Variants in C5orf24 observed in about 807,000 individuals in gnomAD.
C5orf24 encodes the protein chromosome 5 open reading frame 24, also known as UPF0461 protein C5orf24.
A neutral mutation model predicts 9.8 loss-of-function variants in C5orf24; 4 were observed. The observed-to-expected ratio is 0.41, with a 90% CI of 0.20 to 0.93. The LOEUF is 0.93. C5orf24 is among the 40% of genes least tolerant of loss of function. The probability of loss-of-function intolerance (pLI) is 0.33; values close to 1 mark genes in which losing one functional copy is unlikely to be tolerated. For synonymous variants in C5orf24, 73 were observed against 81.3 expected (o/e 0.90, Z 0.55); for missense variants, 170 against 236.9 (o/e 0.72, Z 1.85).
the C5orf24 span, among the ~76,000 whole-genome samples, chr5:134,835,605 C>T: frequency 6.6e-6 from 1 of 152,182 alleles, no homozygotes; most frequent in South Asian, 2.1e-4. Flanking sequence ...CCAGATCGTG[C>T]CAGTGCACTC....
At position 134,859,255 on chromosome 5, in the gene C5orf24, C is replaced by T. The variant is rs1187143675; in HGVS notation, c.*3788C>T. On this transcript the variant is annotated 3_prime_UTR_variant, in exon 2 of 2. Coordinates refer to ENST00000394976, the MANE Select transcript of C5orf24 (RefSeq NM_001135586.1). The stretch of plus-strand genomic sequence containing the variant: ...ATATAAAGAATTCAAAACAGTTTTT[C>T]AAAAGATTTTTTTCCTTGGACATAA... 1.2e-5 allele frequency: 2 copies of T among 166,928 alleles called. No homozygotes were observed. Among genetic ancestry groups the T allele is most frequent in the Non-Finnish European group, 2.9e-5 (2 of 68,066 alleles). The allele number at this position is 166,928 out of a possible 1,614,324, so 10.3% of individuals were successfully genotyped here. A position where few individuals can be genotyped will look rare whatever the true frequency, so the allele number is the denominator to read the frequency against.
upstream of C5orf24, among the ~76,000 whole-genome samples, chr5:134,845,011 C>G (rs1291754758): frequency 6.6e-6 from 1 of 152,228 alleles, no homozygotes; most frequent in Non-Finnish European, 1.5e-5. Context: ...GCTGGGATTA[C>G]AGGCGTGAGC....
At chr5:134,835,576 G>A in the C5orf24 span, among the ~76,000 whole-genome samples, 1 of 152,352 alleles carries the variant, frequency 6.6e-6, no homozygotes, top group African/African-American at 2.4e-5. Flanking sequence ...GAATCCAGGA[G>A]GTGGAGGTTA....
intron 1 of C5orf24, among the ~76,000 whole-genome samples, chr5:134,851,928 A>G (rs1756171929): frequency 6.6e-6 from 1 of 152,152 alleles, no homozygotes; most frequent in South Asian, 2.1e-4. Flanking sequence ...AGCTAGTGAA[A>G]TGATAATTAA....
chr5:134,854,775 T>G (rs1327175634), intron 1 of C5orf24, 123 bp from the exon 2 acceptor site: 1 of 1,025,900 alleles, frequency 9.7e-7, no homozygotes, highest in Non-Finnish European at 1.4e-6. Context: ...GTCCTGCCTG[T>G]TAGCCTAATT....
In C5orf24 at chr5:134,857,266, T is replaced by G; in HGVS notation, c.*1799T>G. On this transcript the variant is annotated 3_prime_UTR_variant, in exon 2 of 2. Coordinates refer to ENST00000394976, the MANE Select transcript of C5orf24 (RefSeq NM_001135586.1). The stretch of plus-strand genomic sequence containing the variant: ...CAAAAACTTTTAAAATAATTAAAAT[T>G]TTAAAAGAGCACATGTTGTGTTTTT... The G allele has an allele frequency of 7.2e-7, 1 of 1,386,662 alleles. No homozygotes were observed. Among genetic ancestry groups the G allele is most frequent in the African/African-American group, 1.5e-5 (1 of 68,310 alleles). The allele number at this position is 1,386,662 out of a possible 1,614,324, so 85.9% of individuals were successfully genotyped here.
chr5:134,845,480 C>T (rs556566916), upstream of C5orf24, among the ~76,000 whole-genome samples: 1 of 152,280 alleles, frequency 6.6e-6, no homozygotes, highest in South Asian at 2.1e-4. Context: ...ACAAGAAAAA[C>T]ATAATAGCGG....
chr5:134,855,612 A>G lies in C5orf24; in HGVS notation c.*145A>G. On this transcript the variant is annotated 3_prime_UTR_variant, in exon 2 of 2. Coordinates refer to ENST00000394976, the MANE Select transcript of C5orf24 (RefSeq NM_001135586.1). ...TTGGTTTTTTTCCTGCTTTTGCTCA[A>G]AAACTGCCATATGCTGACAGATGCA... 2.0e-6 allele frequency: 3 copies of G among 1,483,154 alleles called. No individual in the cohort carries two copies. The South Asian group carries it at 4.3e-5, about 21-fold the overall frequency. 91.9% of individuals were successfully genotyped at this position (1,483,154 alleles called of 1,614,324 possible).
the C5orf24 span, among the ~76,000 whole-genome samples, chr5:134,839,178 G>T: frequency 6.7e-6 from 1 of 149,776 alleles, no homozygotes; most frequent in Non-Finnish European, 1.5e-5. Flanking sequence ...TTCCAGCCTG[G>T]CAACAGAGCA....
At chr5:134,853,525 C>CTTTT (rs1756222284) in intron 1 of C5orf24, among the ~76,000 whole-genome samples, 2 of 127,530 alleles carry the variant, frequency 1.6e-5, no homozygotes, top group Non-Finnish European at 1.6e-5. Flanking sequence ...TCTTCTTCTT[C>CTTTT]TTCTTTTTTT....
chr5:134,833,963 CT>C, the C5orf24 span, among the ~76,000 whole-genome samples: 1 of 148,280 alleles, frequency 6.7e-6, no homozygotes, highest in East Asian at 2.0e-4. Flanking sequence ...GAAATTCTAA[CT>C]TTGCATTAAC....
intron 1 of C5orf24, among the ~76,000 whole-genome samples, chr5:134,849,252 CTCAAAAAAAAAAAGGGAGTGTT>C (rs897053342): frequency 6.7e-6 from 1 of 150,222 alleles, no homozygotes; most frequent in Admixed American, 6.6e-5. Flanking sequence ...TAGACTTCGT[CTCAAAAAAAAAAAGGGAGTGTT>C]TCAACAATAG....
intron 1 of C5orf24, among the ~76,000 whole-genome samples, chr5:134,853,528 C>CTTCTTCTTTTTT (rs1756223114): frequency 9.6e-6 from 1 of 104,242 alleles, no homozygotes; most frequent in Admixed American, 1.2e-4. Flanking sequence ...TCTTCTTCTT[C>CTTCTTCTTTTTT]TTTTTTTTTT....
chr5:134,834,942 G>C, the C5orf24 span, among the ~76,000 whole-genome samples: 15 of 152,158 alleles, frequency 9.9e-5, no homozygotes, highest in Non-Finnish European at 2.1e-4. Flanking sequence ...TACTCGGGAG[G>C]CTGAGGCAGG....
rs1580847493 is a variant in C5orf24 at position 134,857,610 on chromosome 5, A to G, written c.*2143A>G. On this transcript the variant is annotated 3_prime_UTR_variant, in exon 2 of 2. Transcript: ENST00000394976. ...TTTTCTTGCAAAAGCTTAAAATACA[A>G]GATTTTTAATAATTTACTCAGAACA... 1 of 508,632 alleles carries G rather than the reference A, an allele frequency of 2.0e-6. No homozygotes were observed. The highest frequency in any genetic ancestry group is 3.5e-5 in the East Asian group (1 of 28,878). 31.5% of individuals were successfully genotyped at this position (508,632 alleles called of 1,614,324 possible). A position where few individuals can be genotyped will look rare whatever the true frequency, so the allele number is the denominator to read the frequency against.
At chr5:134,847,729 T>TG (rs1424811074) in intron 1 of C5orf24, among the ~76,000 whole-genome samples, 1 of 147,608 alleles carries the variant, frequency 6.8e-6, no homozygotes, top group Non-Finnish European at 1.5e-5. Flanking sequence ...TTTCCTGAGA[T>TG]GGAGTCTGTT....
chr5:134,853,750 G>T (rs1438816855), intron 1 of C5orf24, among the ~76,000 whole-genome samples: 1 of 152,014 alleles, frequency 6.6e-6, no homozygotes, highest in Non-Finnish European at 1.5e-5. Flanking sequence ...AAGCAATGTT[G>T]TACATTCAAC....
the C5orf24 span, among the ~76,000 whole-genome samples, chr5:134,836,225 T>G: frequency 7.0e-6 from 1 of 142,968 alleles, no homozygotes; most frequent in Non-Finnish European, 1.5e-5. Flanking sequence ...CCCAGGCTGG[T>G]GTGCAATGGC....
At chr5:134,847,744 AGGCTGGAGTACAGT>A (rs1481588809) in intron 1 of C5orf24, among the ~76,000 whole-genome samples, 2 of 141,826 alleles carry the variant, frequency 1.4e-5, no homozygotes, top group Non-Finnish European at 3.0e-5. Flanking sequence ...TCTGTTTCCT[AGGCTGGAGTACAGT>A]GGCACGAACT....
Sources: allele counts gnomAD v4.1 joint callset (sites outside exome capture counted in the v4.1 genomes callset), GRCh38; gene constraint gnomAD v4.1.1; transcripts MANE v1.5; gene names NCBI Gene and HGNC (gene_info 2026-07-23, HGNC 2026-07-21).